Variants in MPP1 observed in about 807,000 individuals in gnomAD.
The protein encoded by MPP1 is 55 kDa erythrocyte membrane protein.
A neutral mutation model predicts 38.2 loss-of-function variants in MPP1; 6 were observed. That is an observed-to-expected ratio of 0.16 (90% CI 0.09 to 0.31). MPP1 has a LOEUF of 0.31. Among genes scored for constraint, MPP1 ranks in the 10% least tolerant of loss-of-function variants. The pLI is 1.00. For missense variants in MPP1, 293 were observed against 368.9 expected, an observed-to-expected ratio of 0.79 and a Z score of 1.69; for synonymous variants, 153 against 146.3, an observed-to-expected ratio of 1.05 and a Z score of -0.33.
At chrX:154,790,770 G>A (rs782679278) in intron 4 of MPP1, among the ~76,000 whole-genome samples, 1 of 112,033 alleles carries the variant, frequency 8.9e-6, no homozygotes, top group East Asian at 2.8e-4. Context: ...TGGAACACCA[G>A]ATTGATGCTC....
Position 154,786,299 on chromosome X carries a change from A to G in MPP1, c.582T>C (p.Ile194=), listed in dbSNP as rs782670941. The change falls in exon 6 of 12, where the codon ATT becomes ATC. Residue 194 remains isoleucine, a synonymous_variant. Transcript: ENST00000369534. The part of the protein sequence containing the change: ...LKFATGDIIQ[I]INKDDSNWWQ... ...ACCAATTGCTGTCATCCTTGTTGAT[A>G]ATCTGGATAATGTCCCCAGTAGCAA... The G allele has an allele frequency of 2.5e-6, 3 of 1,209,770 alleles. No individual in the cohort carries two copies. Among genetic ancestry groups the G allele is most frequent in the African/African-American group, 3.5e-5 (2 of 57,041 alleles).
Position 154,779,072 on chromosome X carries a change from G to T in MPP1, c.*105C>A. On this transcript the variant is annotated 3_prime_UTR_variant, in exon 12 of 12. Coordinates refer to ENST00000369534, the MANE Select transcript of MPP1 (RefSeq NM_002436.4). ...TTAGGATAGCTGCAGAGAGCTGGAAGCTGACACAAAACTAGTTGGAGCAGC... is the reference window on the plus strand; with the variant it reads ...TTAGGATAGCTGCAGAGAGCTGGAATCTGACACAAAACTAGTTGGAGCAGC... 5.3e-6 allele frequency: 4 copies of T among 748,232 alleles called. No individual in the cohort carries two copies. Among genetic ancestry groups the T allele is most frequent in the Non-Finnish European group, 5.8e-6 (3 of 515,677 alleles). The allele number at this position is 748,232 out of a possible 1,213,427, so 61.7% of individuals were successfully genotyped here. A position where few individuals can be genotyped will look rare whatever the true frequency, so the allele number is the denominator to read the frequency against.
In MPP1 at chrX:154,805,312, A is replaced by G; in HGVS notation, c.62T>C (p.Leu21Pro). 8.3e-7 allele frequency: 1 copy of G among 1,208,124 alleles called. No individual in the cohort carries two copies. Among genetic ancestry groups the G allele is most frequent in the Non-Finnish European group, 1.1e-6 (1 of 893,471 alleles). ...GGSMHTALSD[L>P]YLEHLLQKRS... Reference sequence around the variant, plus strand: ...CTTCTGCAGCAAATGCTCCAGGTAGAGGTCGGAGAGCGCCGTGTGCATGCT... The same window carrying G: ...CTTCTGCAGCAAATGCTCCAGGTAGGGGTCGGAGAGCGCCGTGTGCATGCT... The change falls in exon 1 of 12, where the codon CTC becomes CCC. Residue 21 changes from leucine (L) to proline (P), a missense_variant. Transcript: ENST00000369534.
chrX:154,785,044 A>T lies in MPP1; in HGVS notation c.784+7T>A, dbSNP rs782481643. ...GAACCTGGGGCAAGAAGGCTCAGAA[A>T]GCTTACTCGAGCTGTGCTTGGCCAG... is the stretch of plus-strand genomic sequence containing the variant. On this transcript the variant is annotated splice_region_variant and intron_variant, in intron 7 of 11. Transcript: ENST00000369534. 1 of 1,206,450 alleles carries T rather than the reference A, an allele frequency of 8.3e-7. No homozygotes were observed. Among genetic ancestry groups the T allele is most frequent in the Non-Finnish European group, 1.1e-6 (1 of 890,874 alleles).
At chrX:154,780,981 C>G (rs1207378336) in intron 11 of MPP1, among the ~76,000 whole-genome samples, 1 of 112,285 alleles carries the variant, frequency 8.9e-6, no homozygotes, top group Non-Finnish European at 1.9e-5. Context: ...CCATCTCTGC[C>G]CCTGGAACTG....
intron 1 of MPP1, among the ~76,000 whole-genome samples, chrX:154,803,442 C>T (rs782305089): frequency 5.3e-5 from 6 of 112,687 alleles, no homozygotes; most frequent in Admixed American, 2.8e-4. Context: ...CCCCACAAAA[C>T]GTGCTGTTTA....
At chrX:154,791,618 G>A in intron 3 of MPP1, 151 bp downstream of exon 3, 2 of 466,805 alleles carry the variant, frequency 4.3e-6, no homozygotes, top group Non-Finnish European at 7.4e-6. Flanking sequence ...TGATTCTACA[G>A]AGCCAGTTAT....
chrX:154,782,059 A>G (rs1322277947), intron 9 of MPP1: 3 of 299,436 alleles, frequency 1.0e-5, no homozygotes, highest in African/African-American at 8.0e-5. Context: ...TTTTCCCTAA[A>G]TGAAGTTACA....
chrX:154,795,427 C>T (rs918792228), intron 1 of MPP1, among the ~76,000 whole-genome samples: 3 of 111,395 alleles, frequency 2.7e-5, no homozygotes, highest in African/African-American at 6.5e-5. Flanking sequence ...ATACTAGCTT[C>T]ATCATAAACA....
Position 154,779,058 on chromosome X carries a change from G to A in MPP1, c.*119C>T. 2 of 650,846 alleles carry A rather than the reference G, an allele frequency of 3.1e-6. No individual in the cohort carries two copies. Among genetic ancestry groups the A allele is most frequent in the Non-Finnish European group, 4.6e-6 (2 of 434,571 alleles). 53.6% of individuals were successfully genotyped at this position (650,846 alleles called of 1,213,427 possible). On this transcript the variant is annotated 3_prime_UTR_variant, in exon 12 of 12. Coordinates refer to ENST00000369534, the MANE Select transcript of MPP1 (RefSeq NM_002436.4). ...CCTTACTGGCTGAATTAGGATAGCT[G>A]CAGAGAGCTGGAAGCTGACACAAAA...
At chrX:154,800,173 C>A (rs2072246611) in intron 1 of MPP1, among the ~76,000 whole-genome samples, 1 of 112,396 alleles carries the variant, frequency 8.9e-6, no homozygotes, top group Non-Finnish European at 1.9e-5. Flanking sequence ...CCTCTCTTTG[C>A]ATGGGCAGTA....
At chrX:154,782,726 C>T (rs782713890) in intron 9 of MPP1, 30 of 112,471 alleles carry the variant, frequency 2.7e-4, no homozygotes, top group African/African-American at 9.4e-4. Context: ...TGCAGCTGGT[C>T]GTTGACTAAC....
intron 6 of MPP1, among the ~76,000 whole-genome samples, chrX:154,785,454 C>T (rs1024807641): frequency 2.7e-5 from 3 of 110,910 alleles, no homozygotes; most frequent in African/African-American, 9.9e-5. Context: ...ACCTTTATGA[C>T]CCTACCTCAC....
intron 1 of MPP1, chrX:154,804,578 G>A (rs1307969689): frequency 1.0e-5 from 3 of 290,870 alleles, no homozygotes; most frequent in Non-Finnish European, 2.0e-5. Context: ...GACAGACCCT[G>A]AGTGACGACC....
chrX:154,783,398 C>T, intron 9 of MPP1, 29 bp downstream of exon 9: 1 of 1,124,385 alleles, frequency 8.9e-7, no homozygotes, highest in Non-Finnish European at 1.2e-6. Context: ...CCTGTCACCT[C>T]CCCTCCAAGG....
chrX:154,789,277 C>G (rs1294126015), intron 5 of MPP1, among the ~76,000 whole-genome samples: 1 of 112,079 alleles, frequency 8.9e-6, no homozygotes, highest in African/African-American at 3.3e-5. Context: ...CCTGTCCAAT[C>G]TATTCCTCTA....
chrX:154,781,299 A>T lies in MPP1; in HGVS notation c.1164T>A (p.Val388=). ...TGAAAGGCGAAAGTTCTGCTGTCCG[A>T]ACAATTTTCAGGGTCTAGAAAAAAA... The part of the protein sequence containing the change: ...LDIEPQTLKI[V]RTAELSPFIV... The change falls in exon 11 of 12, where the codon GTT becomes GTA. Residue 388 remains valine, a synonymous_variant. Transcript: ENST00000369534. 1 of 1,201,566 alleles carries T rather than the reference A, an allele frequency of 8.3e-7. No individual in the cohort carries two copies. Among genetic ancestry groups the T allele is most frequent in the East Asian group, 3.0e-5 (1 of 33,557 alleles).
rs1557269038 is a variant in MPP1, at chrX:154,805,254, C to A, written c.102+18G>T. On this transcript the variant is annotated intron_variant, in intron 1 of 11. Coordinates refer to ENST00000369534, the MANE Select transcript of MPP1 (RefSeq NM_002436.4). ...GAGCCCCGGCCCAGCGCCCTTGGGA[C>A]TAGCGGGGCCCGCTCACCTCTGGCC... is the stretch of plus-strand genomic sequence containing the variant. 12 of 1,184,836 alleles carry A rather than the reference C, an allele frequency of 1.0e-5. No homozygotes were observed. Among genetic ancestry groups the A allele is most frequent in the Non-Finnish European group, 1.4e-5 (12 of 878,736 alleles).
chrX:154,796,884 C>G (rs782074807), intron 1 of MPP1, among the ~76,000 whole-genome samples: 1 of 110,613 alleles, frequency 9.0e-6, no homozygotes, highest in African/African-American at 3.3e-5. Flanking sequence ...GGAGTGAATG[C>G]ATTACATAAA....
Sources: gnomAD v4.1 joint callset for allele counts (sites outside exome capture counted in the v4.1 genomes callset) on GRCh38, gnomAD v4.1.1 for gene constraint, MANE v1.5 for transcripts, NCBI Gene and HGNC (gene_info 2026-07-23, HGNC 2026-07-21) for gene names.